The following CACNA1D variants were observed in gnomAD, a reference collection of about 807,000 sequenced individuals.
CACNA1D encodes the protein calcium voltage-gated channel subunit alpha1 D.
In CACNA1D, 55 loss-of-function variants were observed where a neutral mutation model predicts 257.1. The observed-to-expected ratio is 0.21, with a 90% CI of 0.17 to 0.27. The LOEUF (loss-of-function observed/expected upper bound fraction) is 0.27, where lower values mean the gene tolerates loss of function less well. Among genes scored for constraint, CACNA1D ranks in the 10% least tolerant of loss-of-function variants. The pLI is 1.00. For synonymous variants in CACNA1D, 980 were observed against 1,014.9 expected, an observed-to-expected ratio of 0.97 and a Z score of 0.65; for missense variants, 1,876 against 2,784.0, an observed-to-expected ratio of 0.67 and a Z score of 7.34.
At chr3:53,665,455 G>A (rs1477772632) in intron 5 of CACNA1D, among the ~76,000 whole-genome samples, 1 of 152,154 alleles carries the variant, frequency 6.6e-6, no homozygotes, top group Non-Finnish European at 1.5e-5. Flanking sequence ...CCTCTGTCTA[G>A]TGAGGGAGTT....
At chr3:53,796,127 C>T (rs934556090) in intron 40 of CACNA1D, 2 of 282,744 alleles carry the variant, frequency 7.1e-6, no homozygotes, top group Admixed American at 8.2e-5. Context: ...AACTTAATCT[C>T]ATTCTGTTTT....
chr3:53,660,235 T>C lies in CACNA1D; in HGVS notation c.726T>C (p.Phe242=). ...GGFDVKALRA[F]RVLRPLRLVS... Reference sequence around the variant, plus strand: ...TTGATGTCAAAGCCCTCCGTGCCTTTCGAGTGTTGCGACCACTTCGACTAG... The same window carrying C: ...TTGATGTCAAAGCCCTCCGTGCCTTCCGAGTGTTGCGACCACTTCGACTAG... The change falls in exon 5 of 48, where the codon TTT becomes TTC. Residue 242 remains phenylalanine (F), a synonymous_variant. Transcript: ENST00000350061. 1.9e-6 allele frequency: 3 copies of C among 1,614,168 alleles called. No individual in the cohort carries two copies. The highest frequency in any genetic ancestry group is 1.7e-6 in the Non-Finnish European group (2 of 1,180,010).
At position 53,494,655 on chromosome 3, in the gene CACNA1D, C is replaced by A. The variant is rs1427550471; in HGVS notation, c.-512C>A. 1 of 146,050 alleles carries A rather than the reference C, an allele frequency of 6.8e-6. No individual in the cohort carries two copies. The highest frequency in any genetic ancestry group is 2.0e-4 in the East Asian group (1 of 4,960). 9.0% of individuals were successfully genotyped at this position (146,050 alleles called of 1,614,324 possible). A position where few individuals can be genotyped will look rare whatever the true frequency, so the allele number is the denominator to read the frequency against. ...GCGCGGCGGGCGCGGAGCGAGCGGG[C>A]GGGCGAGCGCCTCCGTCCCCGGATG... is the stretch of plus-strand genomic sequence containing the variant. On this transcript the variant is annotated 5_prime_UTR_variant, in exon 1 of 48. Coordinates refer to ENST00000350061, the MANE Select transcript of CACNA1D (RefSeq NM_001128840.3).
intron 3 of CACNA1D, among the ~76,000 whole-genome samples, chr3:53,555,944 C>A (rs1052864645): frequency 6.6e-6 from 1 of 152,096 alleles, no homozygotes; most frequent in African/African-American, 2.4e-5. Flanking sequence ...ACAGTTTTGT[C>A]CCCCGCAAAA....
intron 47 of CACNA1D, chr3:53,810,664 A>G (rs1033466350): frequency 2.9e-6 from 1 of 343,714 alleles, no homozygotes; most frequent in Non-Finnish European, 5.6e-6. Flanking sequence ...AGGCTGCAGC[A>G]GGAGAACTGC....
At chr3:53,648,829 A>AACACACACACACAC (rs148968944) in intron 3 of CACNA1D, among the ~76,000 whole-genome samples, 17 of 146,752 alleles carry the variant, frequency 1.2e-4, no homozygotes, top group African/African-American at 3.8e-4. Flanking sequence ...TAACTCTCAA[A>AACACACACACACAC]ACACACACAC....
intron 3 of CACNA1D, among the ~76,000 whole-genome samples, chr3:53,518,782 G>T (rs1213341951): frequency 1.3e-5 from 2 of 152,158 alleles, no homozygotes; most frequent in East Asian, 3.8e-4. Flanking sequence ...AATCTTGAGT[G>T]CAATGTGTCA....
Position 53,751,956 on chromosome 3 carries a change from C to A in CACNA1D, c.3675+49C>A, listed in dbSNP as rs1179055954. 1.3e-6 allele frequency: 2 copies of A among 1,571,894 alleles called. No homozygotes were observed. Among genetic ancestry groups the A allele is most frequent in the Non-Finnish European group, 1.8e-6 (2 of 1,141,752 alleles). On this transcript the variant is annotated intron_variant, in intron 28 of 47. Coordinates refer to ENST00000350061, the MANE Select transcript of CACNA1D (RefSeq NM_001128840.3). This position sits in a 1 kb window ranked among gnomAD's most constrained non-coding sequence, Gnocchi z 4.3. ...GATCAGGTCCGGGCATTCCGCACAG[C>A]CCCGTGCCCCAAATGCTGAGGGTGG...
intron 3 of CACNA1D, among the ~76,000 whole-genome samples, chr3:53,626,197 G>A (rs1181081944): frequency 6.6e-6 from 1 of 152,182 alleles, no homozygotes; most frequent in Non-Finnish European, 1.5e-5. Flanking sequence ...GGTTGAGTTT[G>A]CCGCCCCGGG....
At chr3:53,651,366 CTTTTT>C (rs779207160) in intron 4 of CACNA1D, among the ~76,000 whole-genome samples, 2,566 of 81,890 alleles carry the variant, frequency 0.031, 92 homozygotes, top group African/African-American at 0.11. Flanking sequence ...TATTAATTTT[CTTTTT>C]TTTTTTTTTT....
intron 40 of CACNA1D, among the ~76,000 whole-genome samples, chr3:53,796,954 T>C (rs2106720003): frequency 6.6e-6 from 1 of 152,322 alleles, no homozygotes; most frequent in South Asian, 2.1e-4. Context: ...ATTGTGTTGG[T>C]TTAAGTGCTA....
chr3:53,542,090 A>G (rs189400072), intron 3 of CACNA1D, among the ~76,000 whole-genome samples: 20 of 152,302 alleles, frequency 1.3e-4, no homozygotes, highest in Non-Finnish European at 2.4e-4. Context: ...CTGGTTGCAT[A>G]TATCTGTGAA....
intron 7 of CACNA1D, among the ~76,000 whole-genome samples, chr3:53,667,519 G>A (rs929206106): frequency 3.9e-5 from 6 of 152,216 alleles, no homozygotes; most frequent in African/African-American, 9.6e-5. Flanking sequence ...CTTTTAGACA[G>A]AAGGCCTGTA....
rs543837665 is a variant in CACNA1D at position 53,543,730 on chromosome 3, A to C, written c.483+42010A>C. On this transcript the variant is annotated intron_variant, in intron 3 of 47. Coordinates refer to ENST00000350061, the MANE Select transcript of CACNA1D (RefSeq NM_001128840.3). Reference sequence around the variant, plus strand: ...GGTAGAGGCACTCTCATTATTTTACAGGTGAGGAAACTGAGATTCAGAGGG... The same window carrying C: ...GGTAGAGGCACTCTCATTATTTTACCGGTGAGGAAACTGAGATTCAGAGGG... 7.2e-5 allele frequency among the ~76,000 whole-genome samples: 11 copies of C among 152,310 alleles called. No individual in the cohort carries two copies. In the South Asian group the frequency reaches 2.3e-3, roughly 32 times the overall value.
At chr3:53,710,355 C>T (rs903102720) in intron 9 of CACNA1D, 15 of 453,994 alleles carry the variant, frequency 3.3e-5, no homozygotes, top group African/African-American at 3.0e-4. Flanking sequence ...TTGCTGCCCT[C>T]TGCTGCTTCA....
rs551182434 is a variant in CACNA1D, at chr3:53,810,166, C to T, written c.6060C>T (p.His2020=). Residue 2020 remains histidine, a synonymous_variant, in exon 47 of 48, where the codon CAC becomes CAT. Coordinates refer to ENST00000350061, the MANE Select transcript of CACNA1D (RefSeq NM_001128840.3). ...TGAACGGCAGCCTGCCGTCCCTGCA[C>T]CGCAGCTCCTGGTACACAGACGAGC... ...DQVNGSLPSL[H]RSSWYTDEPD... The T allele has an allele frequency of 2.0e-5, 32 of 1,614,014 alleles. No homozygotes were observed. In the African/African-American group the frequency reaches 2.9e-4, roughly 15 times the overall value.
chr3:53,759,941 GA>G (rs1387219815), intron 29 of CACNA1D, among the ~76,000 whole-genome samples: 2 of 152,236 alleles, frequency 1.3e-5, no homozygotes, highest in African/African-American at 4.8e-5. Flanking sequence ...AGGAAAGCTA[GA>G]AAGCATAAGC....
At chr3:53,646,449 C>T (rs1420732131) in intron 3 of CACNA1D, among the ~76,000 whole-genome samples, 1 of 152,214 alleles carries the variant, frequency 6.6e-6, no homozygotes, top group Non-Finnish European at 1.5e-5. Flanking sequence ...ATAGCCTCTA[C>T]ATGTCTAGAT....
chr3:53,781,265 G>C (rs947702906), intron 38 of CACNA1D, among the ~76,000 whole-genome samples: 19 of 152,314 alleles, frequency 1.2e-4, no homozygotes, highest in African/African-American at 4.3e-4. Context: ...ACAATGGAAA[G>C]CAAGTAGTAG....
Sources: allele counts gnomAD v4.1 joint callset (sites outside exome capture counted in the v4.1 genomes callset), GRCh38; gene constraint gnomAD v4.1.1; non-coding constraint Gnocchi (gnomAD v3.1); transcripts MANE v1.5; gene names NCBI Gene and HGNC (gene_info 2026-07-23, HGNC 2026-07-21).